The following SDHB variants were observed in gnomAD, a reference collection of about 807,000 sequenced individuals.
SDHB encodes succinate dehydrogenase complex iron sulfur subunit B, also known as succinate dehydrogenase [ubiquinone] iron-sulfur subunit, mitochondrial.
In SDHB, 21 loss-of-function variants were observed where a neutral mutation model predicts 39.7. That is an observed-to-expected ratio of 0.53 (90% confidence interval 0.37 to 0.76). The LOEUF (loss-of-function observed/expected upper bound fraction) is 0.76. SDHB is among the 30% of genes least tolerant of loss of function. SDHB has a pLI of 0.00. For synonymous variants in SDHB, 118 were observed against 117.0 expected, an observed-to-expected ratio of 1.01 and a Z score of -0.06; for missense variants, 343 against 350.9, an observed-to-expected ratio of 0.98 and a Z score of 0.18.
chr1:17,039,022 C>T (rs1274750144), intron 2 of SDHB, among the ~76,000 whole-genome samples: 1 of 152,020 alleles, frequency 6.6e-6, no homozygotes, highest in Non-Finnish European at 1.5e-5. Context: ...CTTAAAACAG[C>T]ATATGGTTGG....
rs550519848 is a variant in SDHB, at chr1:17,050,509, G to C, written c.72+3439C>G. 1.6e-4 allele frequency among the ~76,000 whole-genome samples: 25 copies of C among 152,202 alleles called. 1 individual carries two copies. The South Asian group carries it at 5.0e-3, about 30-fold the overall frequency. On this transcript the variant is annotated intron_variant, in intron 1 of 7. Coordinates refer to ENST00000375499, the MANE Select transcript of SDHB (RefSeq NM_003000.3). The stretch of plus-strand genomic sequence containing the variant: ...ACTAAAAATACAAAAAAATTAGACA[G>C]GCACGATGGCGGGCACCTGTAATCT...
intron 5 of SDHB, among the ~76,000 whole-genome samples, chr1:17,027,071 GCT>G (rs2077994990): frequency 1.3e-5 from 2 of 152,232 alleles, no homozygotes; most frequent in Non-Finnish European, 2.9e-5. Context: ...TGCAGGTGGG[GCT>G]CTGTCTCCAT....
intron 2 of SDHB, 140 bp downstream of exon 2, chr1:17,044,621 C>G (rs1310670772): frequency 2.9e-6 from 3 of 1,046,708 alleles, no homozygotes; most frequent in Non-Finnish European, 2.9e-6. Flanking sequence ...CCACCGTGCC[C>G]GGCCCAAGCT....
intron 1 of SDHB, among the ~76,000 whole-genome samples, chr1:17,050,151 C>T (rs561793372): frequency 5.9e-5 from 9 of 152,106 alleles, no homozygotes; most frequent in African/African-American, 1.7e-4. Flanking sequence ...TATTATCTTT[C>T]CAAAAGAGAC....
rs1351034939 is a variant in SDHB at position 17,044,826 on chromosome 1, A to G, written c.135T>C (p.Tyr45=). 3 of 1,614,124 alleles carry G rather than the reference A, an allele frequency of 1.9e-6. No individual in the cohort carries two copies. In the South Asian group the frequency reaches 3.3e-5, roughly 18 times the overall value. Reference sequence around the variant, plus strand: ...CTCCAGCCTTGTCTGGGTCCCATCGATAGATGGCAAATTTCTTGATACGGG... The same window carrying G: ...CTCCAGCCTTGTCTGGGTCCCATCGGTAGATGGCAAATTTCTTGATACGGG... The part of the protein sequence containing the change: ...TAPRIKKFAI[Y]RWDPDKAGDK... The change falls in exon 2 of 8, where the codon TAT becomes TAC. Residue 45 remains tyrosine (Y), a synonymous_variant. Coordinates refer to ENST00000375499, the MANE Select transcript of SDHB (RefSeq NM_003000.3).
chr1:17,022,608 C>G lies in SDHB; in HGVS notation c.765G>C (p.Lys255Asn), dbSNP rs761295633. The change falls in exon 7 of 8, where the codon AAG (lysine) becomes AAC (asparagine). Residue 255 changes from lysine to asparagine, a missense_variant and splice_region_variant. Lys to Asn is a moderately conservative substitution (Grantham distance 94). Transcript: ENST00000375499. ...GCTGAGGGTCACCAGCCCCACGTAC[C>G]TTAGGACAGGTCCTTGTGCAGTTCA... ...TIMNCTRTCP[K>N]GLNPGKAIAE... The G allele has an allele frequency of 1.2e-6, 2 of 1,613,876 alleles. No homozygotes were observed. Among genetic ancestry groups the G allele is most frequent in the East Asian group, 4.5e-5 (2 of 44,870 alleles).
At chr1:17,052,841 A>G (rs2078156284) in intron 1 of SDHB, among the ~76,000 whole-genome samples, 1 of 152,226 alleles carries the variant, frequency 6.6e-6, no homozygotes, top group African/African-American at 2.4e-5. Flanking sequence ...AGAGAGGAAG[A>G]GGAACTAAAA....
At chr1:17,038,561 T>C (rs2078062257) in intron 2 of SDHB, among the ~76,000 whole-genome samples, 1 of 152,238 alleles carries the variant, frequency 6.6e-6, no homozygotes. Flanking sequence ...CTTCTTTTAC[T>C]TGCCTTTCAT....
At chr1:17,049,905 A>G (rs936681673) in intron 1 of SDHB, among the ~76,000 whole-genome samples, 6 of 151,856 alleles carry the variant, frequency 4.0e-5, no homozygotes, top group Non-Finnish European at 4.4e-5. Flanking sequence ...TCAGCCTCCC[A>G]AAGTGCTGGA....
chr1:17,050,173 T>C (rs754187747), intron 1 of SDHB, among the ~76,000 whole-genome samples: 1 of 152,212 alleles, frequency 6.6e-6, no homozygotes, highest in Non-Finnish European at 1.5e-5. Context: ...AAGTTTGTAT[T>C]AGAGCTAATT....
At chr1:17,050,944 T>A (rs1182086581) in intron 1 of SDHB, among the ~76,000 whole-genome samples, 2 of 152,222 alleles carry the variant, frequency 1.3e-5, no homozygotes, top group African/African-American at 4.8e-5. Context: ...CTTTATAACA[T>A]CTCTATGAAA....
chr1:17,044,673 T>G (rs2078098874), intron 2 of SDHB, 88 bp downstream of exon 2: 3 of 1,480,880 alleles, frequency 2.0e-6, no homozygotes, highest in Non-Finnish European at 2.8e-6. Context: ...GATCTCAGAT[T>G]TTTAAGCCTT....
At chr1:17,027,588 C>T in intron 5 of SDHB, 161 bp downstream of exon 5, 1 of 676,762 alleles carries the variant, frequency 1.5e-6, no homozygotes, top group Admixed American at 2.0e-5. Flanking sequence ...TCACACTACT[C>T]ACCCGGCCCT....
chr1:17,038,182 G>A (rs1333723317), intron 2 of SDHB, among the ~76,000 whole-genome samples: 4 of 152,070 alleles, frequency 2.6e-5, no homozygotes, highest in Non-Finnish European at 5.9e-5. Context: ...CAAAATGCTG[G>A]GATTATAAGC....
chr1:17,047,695 AAAG>A (rs2078120510), intron 1 of SDHB, among the ~76,000 whole-genome samples: 2 of 151,806 alleles, frequency 1.3e-5, no homozygotes, highest in East Asian at 1.9e-4. Context: ...AAAAAAAAAA[AAAG>A]AGAGAGAGTT....
intron 1 of SDHB, among the ~76,000 whole-genome samples, chr1:17,049,324 G>C (rs918091141): frequency 6.6e-6 from 1 of 150,868 alleles, no homozygotes; most frequent in Admixed American, 6.6e-5. Context: ...TTTTTGGAGA[G>C]TCTCATTCTG....
At chr1:17,051,363 G>A (rs2078146222) in intron 1 of SDHB, among the ~76,000 whole-genome samples, 1 of 152,192 alleles carries the variant, frequency 6.6e-6, no homozygotes, top group Non-Finnish European at 1.5e-5. Context: ...TGAGAAGGGT[G>A]AATTCTGAAT....
At chr1:17,037,061 G>A (rs1276551816) in intron 2 of SDHB, among the ~76,000 whole-genome samples, 1 of 152,034 alleles carries the variant, frequency 6.6e-6, no homozygotes, top group African/African-American at 2.4e-5. Flanking sequence ...TTTTGTGTGT[G>A]TATACATAGC....
intron 2 of SDHB, among the ~76,000 whole-genome samples, chr1:17,041,983 G>T (rs1164018274): frequency 1.3e-5 from 2 of 151,720 alleles, no homozygotes; most frequent in African/African-American, 4.8e-5. Context: ...GTGCAGTGGT[G>T]TGATCTTGGC....
Sources: allele counts gnomAD v4.1 joint callset (sites outside exome capture counted in the v4.1 genomes callset), GRCh38; gene constraint gnomAD v4.1.1; transcripts MANE v1.5; gene names NCBI Gene and HGNC (gene_info 2026-07-23, HGNC 2026-07-21).